The following NXPE4 variants were observed in gnomAD, a reference collection of about 807,000 sequenced individuals.
The protein encoded by NXPE4 is neurexophilin and PC-esterase domain family member 4, also known as NXPE family member 4.
Under a neutral mutation model 33.3 loss-of-function variants are expected in NXPE4, and 42 were observed. The observed-to-expected ratio is 1.26, with a 90% confidence interval of 0.98 to 1.63. The LOEUF is 1.63. Ranked by LOEUF, NXPE4 falls within the 40% of genes most tolerant of loss-of-function variation. NXPE4 has a pLI of 0.00. For synonymous variants in NXPE4, 253 were observed against 234.9 expected, an observed-to-expected ratio of 1.08 and a Z score of -0.71; for missense variants, 709 against 647.6, an observed-to-expected ratio of 1.09 and a Z score of -1.03.
At chr11:114,579,320 G>C (rs910757643) in intron 5 of NXPE4, among the ~76,000 whole-genome samples, 4 of 152,158 alleles carry the variant, frequency 2.6e-5, no homozygotes, top group Non-Finnish European at 5.9e-5. Context: ...CTTCCCACTA[G>C]GTCCCACCTC....
intron 2 of NXPE4, among the ~76,000 whole-genome samples, chr11:114,586,461 G>A (rs1468497490): frequency 2.0e-5 from 3 of 151,998 alleles, no homozygotes; most frequent in African/African-American, 7.3e-5. Context: ...CCAAATACTG[G>A]GCCCCCAATC....
chr11:114,676,600 C>T, the NXPE4 span, among the ~76,000 whole-genome samples: 28 of 151,800 alleles, frequency 1.8e-4, no homozygotes, highest in Non-Finnish European at 3.7e-4. Flanking sequence ...ATCAAAAAGA[C>T]GAAAGATAAG....
chr11:114,577,876 T>C (rs915098877), intron 5 of NXPE4, among the ~76,000 whole-genome samples: 8 of 152,148 alleles, frequency 5.3e-5, no homozygotes, highest in African/African-American at 1.9e-4. Flanking sequence ...CTTGGGATAA[T>C]ATTAAGTGCC....
rs1191035818 is a variant in NXPE4 at position 114,589,840 on chromosome 11, A to G, written c.96+4824T>C. On this transcript the variant is annotated intron_variant, in intron 2 of 5. Coordinates refer to ENST00000375478, the MANE Select transcript of NXPE4 (RefSeq NM_001077639.2). ...CTGTAACAGTCCCTACAACACCCCA[A>G]TATTAGGAGCACAAAAACCCAATGC... Among the ~76,000 whole-genome samples, 3 of 152,160 alleles carry G rather than the reference A, an allele frequency of 2.0e-5. No homozygotes were observed. The East Asian group carries it at 5.8e-4, about 29-fold the overall frequency.
chr11:114,610,781 C>G, the NXPE4 span, among the ~76,000 whole-genome samples: 1 of 151,902 alleles, frequency 6.6e-6, no homozygotes, highest in African/African-American at 2.4e-5. Flanking sequence ...CCACTGTTAC[C>G]CAGTGGATAA....
the NXPE4 span, among the ~76,000 whole-genome samples, chr11:114,626,172 C>T: frequency 1.3e-5 from 2 of 152,162 alleles, no homozygotes; most frequent in Non-Finnish European, 2.9e-5. Flanking sequence ...GTGGAGCCCA[C>T]CACAGCTTAA....
chr11:114,626,750 C>A, the NXPE4 span, among the ~76,000 whole-genome samples: 1 of 152,042 alleles, frequency 6.6e-6, no homozygotes, highest in African/African-American at 2.4e-5. Context: ...AAACCAAAGG[C>A]AAAGAAGTTG....
chr11:114,577,790 C>T (rs1279034526), intron 5 of NXPE4, among the ~76,000 whole-genome samples: 2 of 152,110 alleles, frequency 1.3e-5, no homozygotes, highest in African/African-American at 4.8e-5. Flanking sequence ...CAAGTAAACC[C>T]TATTTCCCCA....
chr11:114,626,259 C>A, the NXPE4 span, among the ~76,000 whole-genome samples: 1 of 152,212 alleles, frequency 6.6e-6, no homozygotes, highest in Non-Finnish European at 1.5e-5. Context: ...GTAACCTCTG[C>A]AGACTTAAAT....
Position 114,582,587 on chromosome 11 carries a change from CAG to C in NXPE4, c.529_530del (p.Leu177ValfsTer9), listed in dbSNP as rs749884864. 18 of 1,614,192 alleles carry C rather than the reference CAG, an allele frequency of 1.1e-5. No individual in the cohort carries two copies. In the East Asian group the frequency reaches 2.5e-4, roughly 22 times the overall value. On this transcript the variant is annotated frameshift_variant, in exon 3 of 6. Transcript: ENST00000375478. LOFTEE classifies it high-confidence loss of function. ...FTLFWEGQVS[L>X]SLLLIHPSEG... ...CACTGGGGTGGATGAGCAGCAGAGA[CAG>C]AGAGACCTGGCCCTCCCAGAACAGA...
chr11:114,572,707 G>T (rs905394953), intron 5 of NXPE4, among the ~76,000 whole-genome samples: 1 of 152,120 alleles, frequency 6.6e-6, no homozygotes, highest in Non-Finnish European at 1.5e-5. Context: ...CAAGAAGTTT[G>T]GGAGTATGCT....
the NXPE4 span, among the ~76,000 whole-genome samples, chr11:114,663,192 A>G: frequency 6.6e-6 from 1 of 152,128 alleles, no homozygotes; most frequent in African/African-American, 2.4e-5. Context: ...GACAGCAGCC[A>G]CAGGTTGAAG....
chr11:114,667,723 C>T, the NXPE4 span, among the ~76,000 whole-genome samples: 1 of 152,030 alleles, frequency 6.6e-6, no homozygotes, highest in Non-Finnish European at 1.5e-5. Flanking sequence ...CTGAGGCCTC[C>T]TGACAACAGC....
At chr11:114,587,353 C>T (rs957281964) in intron 2 of NXPE4, among the ~76,000 whole-genome samples, 1 of 152,192 alleles carries the variant, frequency 6.6e-6, no homozygotes, top group Non-Finnish European at 1.5e-5. Context: ...ACCAGAGCCA[C>T]TGCCTAAGAA....
At chr11:114,636,906 G>C in the NXPE4 span, among the ~76,000 whole-genome samples, 1 of 152,226 alleles carries the variant, frequency 6.6e-6, no homozygotes, top group Admixed American at 6.5e-5. Context: ...TTTGGAATAG[G>C]TGTGGTGTGT....
intron 5 of NXPE4, among the ~76,000 whole-genome samples, chr11:114,577,060 T>TATATATATAAAGTTATATATATATATAC (rs1565329287): frequency 1.7e-4 from 8 of 48,386 alleles, no homozygotes; most frequent in African/African-American, 6.9e-4. Context: ...TATATATACA[T>TATATATATAAAGTTATATATATATATAC]ATATATATAT....
At chr11:114,653,984 G>T in the NXPE4 span, among the ~76,000 whole-genome samples, 28 of 152,102 alleles carry the variant, frequency 1.8e-4, no homozygotes, top group African/African-American at 5.8e-4. Flanking sequence ...ATACTTGGAA[G>T]GAAGGCATAC....
At chr11:114,673,067 T>C in the NXPE4 span, among the ~76,000 whole-genome samples, 1 of 148,162 alleles carries the variant, frequency 6.7e-6, no homozygotes, top group African/African-American at 2.4e-5. Context: ...AACAAGCCTA[T>C]ATATATATTA....
chr11:114,576,584 A>G (rs1243763369), intron 5 of NXPE4, among the ~76,000 whole-genome samples: 1 of 152,152 alleles, frequency 6.6e-6, no homozygotes, highest in African/African-American at 2.4e-5. Context: ...TGGTGAACAA[A>G]CATATGGAAA....
Sources: gnomAD v4.1 joint callset for allele counts (sites outside exome capture counted in the v4.1 genomes callset) on GRCh38, gnomAD v4.1.1 for gene constraint, MANE v1.5 for transcripts, NCBI Gene and HGNC (gene_info 2026-07-23, HGNC 2026-07-21) for gene names.